SI: variants seen among roughly 807,000 people sequenced by gnomAD.
The protein encoded by SI is sucrase-isomaltase.
In SI, 235 loss-of-function variants were observed where a neutral mutation model predicts 253.3. That is an observed-to-expected ratio of 0.93 (90% CI 0.83 to 1.03). The LOEUF (loss-of-function observed/expected upper bound fraction) is 1.03. Ranked by LOEUF, SI falls within the 50% of genes least tolerant of loss-of-function variation. The pLI is 0.00. For synonymous variants in SI, 819 were observed against 712.0 expected, an observed-to-expected ratio of 1.15 and a Z score of -2.39; for missense variants, 2,442 against 2,211.1, an observed-to-expected ratio of 1.10 and a Z score of -2.09.
rs111622296 is a variant in SI, at chr3:165,046,786, T to C, written c.1887+55A>G. ...TTACTAAAATTAATTAAGATTACAT[T>C]AAAAATTAATGTAATTGTAGCTTTT... On this transcript the variant is annotated intron_variant, in intron 16 of 47. Coordinates refer to ENST00000264382, the MANE Select transcript of SI (RefSeq NM_001041.4). The C allele has an allele frequency of 2.6e-5, 35 of 1,368,542 alleles. 1 individual carries two copies. The highest frequency in any genetic ancestry group is 1.9e-4 in the African/African-American group (13 of 69,856). The allele number at this position is 1,368,542 out of a possible 1,614,324, so 84.8% of individuals were successfully genotyped here.
At chr3:165,051,789 CATCA>C (rs1170272473) in intron 13 of SI, among the ~76,000 whole-genome samples, 1 of 151,808 alleles carries the variant, frequency 6.6e-6, no homozygotes, top group Non-Finnish European at 1.5e-5. Flanking sequence ...CAAAATCTTT[CATCA>C]ATGAAAGTAA....
chr3:164,996,685 A>G, intron 39 of SI, 34 bp from the exon 40 acceptor site: 1 of 1,326,140 alleles, frequency 7.5e-7, no homozygotes, highest in South Asian at 1.2e-5. Context: ...TTAAATTTGA[A>G]TAGTTTATGA....
chr3:164,981,179 T>G (rs2108106309), intron 47 of SI, among the ~76,000 whole-genome samples: 1 of 152,164 alleles, frequency 6.6e-6, no homozygotes, highest in East Asian at 1.9e-4. Flanking sequence ...AGTTGGGAAA[T>G]TTTATTTTAT....
At chr3:165,084,542 A>C in the SI span, among the ~76,000 whole-genome samples, 1 of 152,054 alleles carries the variant, frequency 6.6e-6, no homozygotes, top group South Asian at 2.1e-4. Context: ...TATGAAATAC[A>C]CAAAAATTAA....
In SI at chr3:165,062,521, GAAAA is replaced by G. The variant is rs780651302; in HGVS notation, c.908-42_908-39del. The stretch of plus-strand genomic sequence containing the variant: ...ATTGGTAAACTTATATGTAAATAGT[GAAAA>G]GGATTATAGTAATTAATTGCAAAGT... On this transcript the variant is annotated intron_variant, in intron 8 of 47. Coordinates refer to ENST00000264382, the MANE Select transcript of SI (RefSeq NM_001041.4). 4.9e-6 allele frequency: 5 copies of G among 1,027,472 alleles called. No individual in the cohort carries two copies. In the African/African-American group the frequency reaches 6.3e-5, roughly 13 times the overall value. 63.6% of individuals were successfully genotyped at this position (1,027,472 alleles called of 1,614,324 possible).
chr3:165,046,106 C>A (rs1384425689), intron 16 of SI, among the ~76,000 whole-genome samples: 4 of 152,030 alleles, frequency 2.6e-5, no homozygotes, highest in Non-Finnish European at 5.9e-5. Context: ...GCTGGGATTA[C>A]AGGAGTGAGC....
chr3:165,023,793 T>C lies in SI; in HGVS notation c.2893-17A>G, dbSNP rs1216187912. On this transcript the variant is annotated splice_polypyrimidine_tract_variant and intron_variant, in intron 25 of 47. Coordinates refer to ENST00000264382, the MANE Select transcript of SI (RefSeq NM_001041.4). The stretch of plus-strand genomic sequence containing the variant: ...AGAAGAACCCTAAAAACACAATGCA[T>C]GTTCATTGCCAGAAATTATAAGCCT... 2 of 1,559,442 alleles carry C rather than the reference T, an allele frequency of 1.3e-6. No individual in the cohort carries two copies. The highest frequency in any genetic ancestry group is 1.1e-5 in the South Asian group (1 of 89,942).
intron 17 of SI, among the ~76,000 whole-genome samples, 177 bp downstream of exon 17, chr3:165,042,882 T>TA (rs1712917326): frequency 6.6e-6 from 1 of 152,046 alleles, no homozygotes; most frequent in Non-Finnish European, 1.5e-5. Context: ...GACCGTTTTT[T>TA]AAAAAATGTA....
At position 165,014,575 on chromosome 3, in the gene SI, TATC is replaced by T. The variant is rs528628021; in HGVS notation, c.3999+545_3999+547del. Among the ~76,000 whole-genome samples, 68 of 152,276 alleles carry T rather than the reference TATC, an allele frequency of 4.5e-4. 1 individual carries two copies. The South Asian group carries it at 4.8e-3, about 11-fold the overall frequency. ...TCATCATAGATTTTTTTGATGGTGT[TATC>T]ATTGTTGTTCATTCTAGTTTTTACT... On this transcript the variant is annotated intron_variant, in intron 33 of 47. Transcript: ENST00000264382.
intron 25 of SI, 25 bp downstream of exon 25, chr3:165,030,687 G>T (rs1319490118): frequency 6.2e-7 from 1 of 1,601,006 alleles, no homozygotes; most frequent in Non-Finnish European, 8.5e-7. Context: ...ACCATATCAT[G>T]AGTAATAGTT....
chr3:165,043,329 T>TGC (rs1175632125), intron 16 of SI, among the ~76,000 whole-genome samples, 154 bp from the exon 17 acceptor site: 84 of 152,100 alleles, frequency 5.5e-4, no homozygotes, highest in Non-Finnish European at 1.0e-3. Context: ...TTTTCCATTT[T>TGC]TGCTCTATCC....
intron 13 of SI, among the ~76,000 whole-genome samples, chr3:165,054,115 A>T (rs528445622): frequency 6.6e-6 from 1 of 152,242 alleles, no homozygotes; most frequent in East Asian, 1.9e-4. Flanking sequence ...TGCAAAATAA[A>T]TATTTGCTAA....
chr3:164,990,685 G>A (rs1559978803), intron 44 of SI, among the ~76,000 whole-genome samples: 1 of 152,028 alleles, frequency 6.6e-6, no homozygotes, highest in Non-Finnish European at 1.5e-5. Flanking sequence ...GTCATAGGTG[G>A]GAATTGAACA....
chr3:165,065,138 G>T, intron 7 of SI, 123 bp downstream of exon 7: 1 of 660,316 alleles, frequency 1.5e-6, no homozygotes. Flanking sequence ...TTCTATATTG[G>T]TATCAGTGAC....
At chr3:165,088,277 C>CTAAGGTTGCAG in the SI span, among the ~76,000 whole-genome samples, 1 of 152,142 alleles carries the variant, frequency 6.6e-6, no homozygotes, top group South Asian at 2.1e-4. Context: ...ACTCAGGAGG[C>CTAAGGTTGCAG]TAAGGTTGCA....
chr3:165,058,956 A>G lies in SI; in HGVS notation c.1398+7T>C, dbSNP rs1313522098. 6.2e-7 allele frequency: 1 copy of G among 1,609,550 alleles called. No homozygotes were observed. Among genetic ancestry groups the G allele is most frequent in the Admixed American group, 1.7e-5 (1 of 59,668 alleles). On this transcript the variant is annotated splice_region_variant and intron_variant, in intron 12 of 47. Transcript: ENST00000264382. ...GCAACATAGTTTTAATAAATATCATATTTTACCTCTCCAATAATTGGTGTA... is the reference window on the plus strand; with the variant it reads ...GCAACATAGTTTTAATAAATATCATGTTTTACCTCTCCAATAATTGGTGTA...
At chr3:165,009,154 G>C in intron 35 of SI, 125 bp downstream of exon 35, 1 of 686,032 alleles carries the variant, frequency 1.5e-6, no homozygotes, top group Non-Finnish European at 2.6e-6. Context: ...AAGTTCTGTG[G>C]GGGAAAAAAG....
Position 165,002,397 on chromosome 3 carries a change from C to T in SI, c.4407-3724G>A, listed in dbSNP as rs559363268. Among the ~76,000 whole-genome samples the T allele has an allele frequency of 6.6e-5, 10 of 151,816 alleles. No homozygotes were observed. In the South Asian group the frequency reaches 1.5e-3, roughly 22 times the overall value. Reference sequence around the variant, plus strand: ...TTGTGTAAAACTATCTGCAATTTCTCAAGCTGATTAAATCCCATTTCTGAA... The same window carrying T: ...TTGTGTAAAACTATCTGCAATTTCTTAAGCTGATTAAATCCCATTTCTGAA... On this transcript the variant is annotated intron_variant, in intron 37 of 47. Coordinates refer to ENST00000264382, the MANE Select transcript of SI (RefSeq NM_001041.4).
intron 7 of SI, among the ~76,000 whole-genome samples, chr3:165,064,002 G>A (rs1207789096): frequency 3.3e-5 from 5 of 151,310 alleles, no homozygotes; most frequent in South Asian, 4.2e-4. Flanking sequence ...CCCAAGAGGC[G>A]GAGGTCGCAG....
Sources: allele counts gnomAD v4.1 joint callset (sites outside exome capture counted in the v4.1 genomes callset), GRCh38; gene constraint gnomAD v4.1.1; transcripts MANE v1.5; gene names NCBI Gene and HGNC (gene_info 2026-07-23, HGNC 2026-07-21).